The following ROBO1 variants were observed in gnomAD, a reference collection of about 807,000 sequenced individuals.
ROBO1 encodes the protein roundabout homolog 1.
ROBO1 carries 149 observed loss-of-function variants against 195.9 expected under a neutral mutation model. The observed-to-expected ratio is 0.76, with a 90% confidence interval of 0.67 to 0.87. The LOEUF (loss-of-function observed/expected upper bound fraction) is 0.87. Ranked by LOEUF, ROBO1 falls within the 40% of genes least tolerant of loss-of-function variation. The pLI, the probability that ROBO1 is intolerant of heterozygous loss-of-function variation, is 0.00. For missense variants in ROBO1, 1,933 were observed against 2,068.3 expected (o/e 0.93, Z 1.27); for synonymous variants, 816 against 733.2 (o/e 1.11, Z -1.82).
At chr3:79,548,688 T>C (rs538915845) in intron 2 of ROBO1, among the ~76,000 whole-genome samples, 2 of 152,340 alleles carry the variant, frequency 1.3e-5, no homozygotes, top group South Asian at 2.1e-4. Context: ...GTATATTATA[T>C]GCACCTATCA....
At chr3:78,779,353 C>A (rs1337255044) in intron 4 of ROBO1, among the ~76,000 whole-genome samples, 1 of 152,064 alleles carries the variant, frequency 6.6e-6, no homozygotes, top group Non-Finnish European at 1.5e-5. Context: ...TTGCAATCTA[C>A]CCATCTGACA....
chr3:78,769,990 T>A (rs1424200563), intron 4 of ROBO1, among the ~76,000 whole-genome samples: 1 of 152,186 alleles, frequency 6.6e-6, no homozygotes. Flanking sequence ...CTGGTGCTTC[T>A]GTCTCACAGC....
intron 3 of ROBO1, among the ~76,000 whole-genome samples, chr3:78,948,901 C>T (rs1342113591): frequency 6.6e-6 from 1 of 152,070 alleles, no homozygotes; most frequent in Non-Finnish European, 1.5e-5. Flanking sequence ...TGAGTGAACT[C>T]CCATTCACAA....
intron 2 of ROBO1, among the ~76,000 whole-genome samples, chr3:79,391,698 G>T (rs893036034): frequency 1.3e-4 from 19 of 151,690 alleles, no homozygotes; most frequent in African/African-American, 4.6e-4. Flanking sequence ...GAATTTTATC[G>T]CTGATTTTAT....
intron 2 of ROBO1, among the ~76,000 whole-genome samples, chr3:79,336,521 T>G (rs896023514): frequency 6.6e-6 from 1 of 152,180 alleles, no homozygotes; most frequent in African/African-American, 2.4e-5. Flanking sequence ...GAATTGAGGT[T>G]TGGGAACCTC....
chr3:79,725,223 C>CTCTTTTT (rs1702864836), intron 1 of ROBO1, among the ~76,000 whole-genome samples: 1 of 106,508 alleles, frequency 9.4e-6, no homozygotes, highest in Non-Finnish European at 1.8e-5. Context: ...CTCTCTTCTT[C>CTCTTTTT]TTTTTTTTTT....
intron 2 of ROBO1, among the ~76,000 whole-genome samples, chr3:79,453,895 A>C (rs2039527508): frequency 1.3e-5 from 2 of 152,128 alleles, no homozygotes; most frequent in Admixed American, 1.3e-4. Flanking sequence ...CAACAGCAAC[A>C]ATGAAAGATT....
intron 2 of ROBO1, among the ~76,000 whole-genome samples, chr3:79,406,308 G>C (rs1452707632): frequency 2.0e-5 from 3 of 151,380 alleles, no homozygotes; most frequent in Non-Finnish European, 2.9e-5. Context: ...CATGTCCGTA[G>C]TCCCATAGTC....
intron 2 of ROBO1, among the ~76,000 whole-genome samples, chr3:79,399,258 T>C (rs1425278387): frequency 6.6e-6 from 1 of 152,090 alleles, no homozygotes; most frequent in Non-Finnish European, 1.5e-5. Context: ...CCACTAAATC[T>C]ACTCAAACTC....
intron 3 of ROBO1, among the ~76,000 whole-genome samples, chr3:78,994,549 T>G (rs2108081100): frequency 6.6e-6 from 1 of 152,272 alleles, no homozygotes; most frequent in Non-Finnish European, 1.5e-5. Flanking sequence ...AACACGGCTT[T>G]TAAAAGAACT....
At chr3:79,465,219 C>A (rs1669440403) in intron 2 of ROBO1, among the ~76,000 whole-genome samples, 1 of 151,930 alleles carries the variant, frequency 6.6e-6, no homozygotes, top group African/African-American at 2.4e-5. Flanking sequence ...AACAGGGGTG[C>A]TTATTAGAAA....
chr3:79,349,670 C>T (rs1024039702), intron 2 of ROBO1, among the ~76,000 whole-genome samples: 13 of 152,188 alleles, frequency 8.5e-5, no homozygotes, highest in African/African-American at 2.6e-4. Flanking sequence ...ATGTGTGTAT[C>T]GTCAACTGAT....
At chr3:78,767,058 A>G (rs190802546) in intron 4 of ROBO1, among the ~76,000 whole-genome samples, 1 of 152,220 alleles carries the variant, frequency 6.6e-6, no homozygotes, top group African/African-American at 2.4e-5. Flanking sequence ...GTGTTCATCA[A>G]TGATATAGGT....
intron 2 of ROBO1, among the ~76,000 whole-genome samples, chr3:79,326,118 G>A (rs923732009): frequency 6.6e-5 from 10 of 152,142 alleles, no homozygotes; most frequent in Non-Finnish European, 1.3e-4. Context: ...TGGTCAGACC[G>A]GTTGCTCTCA....
rs904468074 is a variant in ROBO1, at chr3:79,560,638, C to A, written c.88+29186G>T. Reference sequence around the variant, plus strand: ...TGACAGTCAATTAGTCATCCGAGACCTAGTGGCCCCCTCATCTTCACACCG... The same window carrying A: ...TGACAGTCAATTAGTCATCCGAGACATAGTGGCCCCCTCATCTTCACACCG... On this transcript the variant is annotated intron_variant, in intron 2 of 30. Coordinates refer to ENST00000464233, the MANE Select transcript of ROBO1 (RefSeq NM_002941.4). Among the ~76,000 whole-genome samples, 3 of 149,228 alleles carry A rather than the reference C, an allele frequency of 2.0e-5. No homozygotes were observed. In the Admixed American group the frequency reaches 2.0e-4, roughly 10 times the overall value.
intron 5 of ROBO1, among the ~76,000 whole-genome samples, chr3:78,722,145 C>A (rs1215509652): frequency 6.6e-6 from 1 of 152,082 alleles, no homozygotes; most frequent in African/African-American, 2.4e-5. Context: ...TCTATCAGAC[C>A]TATTCTTTGG....
At chr3:79,067,106 A>G (rs1181265748) in intron 3 of ROBO1, among the ~76,000 whole-genome samples, 5 of 152,022 alleles carry the variant, frequency 3.3e-5, no homozygotes, top group African/African-American at 9.7e-5. Context: ...CACACAAGGC[A>G]GGAAAATTAA....
chr3:79,673,740 T>G (rs1224755020), intron 1 of ROBO1, among the ~76,000 whole-genome samples: 3 of 151,916 alleles, frequency 2.0e-5, no homozygotes, highest in African/African-American at 7.2e-5. Context: ...TAAACCAGAG[T>G]TTCATGTTAA....
chr3:79,461,147 A>G (rs578134037), intron 2 of ROBO1, among the ~76,000 whole-genome samples: 1 of 152,152 alleles, frequency 6.6e-6, no homozygotes, highest in African/African-American at 2.4e-5. Context: ...CTAAGTTGTA[A>G]CCAAAAGTCT....
Sources: gnomAD v4.1 joint callset for allele counts (sites outside exome capture counted in the v4.1 genomes callset) on GRCh38, gnomAD v4.1.1 for gene constraint, MANE v1.5 for transcripts, NCBI Gene and HGNC (gene_info 2026-07-23, HGNC 2026-07-21) for gene names.